The following OTOF variants were observed in gnomAD, a reference collection of about 807,000 sequenced individuals.
OTOF encodes otoferlin.
In OTOF, 218 loss-of-function variants were observed where a neutral mutation model predicts 236.8. The ratio of observed to expected loss-of-function variants is 0.92; its 90% CI spans 0.82 to 1.03. The LOEUF is 1.03. OTOF is among the 50% of genes least tolerant of loss of function. The pLI is 0.00. For missense variants in OTOF, 2,590 were observed against 2,694.4 expected (o/e 0.96, Z 0.86); for synonymous variants, 1,041 against 1,072.5 (o/e 0.97, Z 0.57).
intron 1 of OTOF, among the ~76,000 whole-genome samples, chr2:26,540,812 A>T (rs1667195202): frequency 6.6e-6 from 1 of 152,216 alleles, no homozygotes; most frequent in Non-Finnish European, 1.5e-5. Flanking sequence ...GAAGCTATCT[A>T]TACGGCAAAG....
rs1320406513 is a variant in OTOF, at chr2:26,467,367, T to C, written c.4225A>G (p.Lys1409Glu). The C allele has an allele frequency of 1.9e-6, 3 of 1,613,716 alleles. No individual in the cohort carries two copies. The highest frequency in any genetic ancestry group is 2.5e-6 in the Non-Finnish European group (3 of 1,179,972). ...AGGGTCTGCTCCTAGGCTCTCACCTTAAGCTCATCAATCTTGGGTTTCTTC... is the reference window on the plus strand; with the variant it reads ...AGGGTCTGCTCCTAGGCTCTCACCTCAAGCTCATCAATCTTGGGTTTCTTC... Reference protein sequence around the residue: ...EKKKPKIDELKVYPKELESEF... With the variant: ...EKKKPKIDELEVYPKELESEF... The change falls in exon 34 of 47, where the codon AAG (lysine) becomes GAG (glutamate). Residue 1409 changes from lysine (K) to glutamate (E), a missense_variant and splice_region_variant. Physicochemically the swap from Lys to Glu is moderately conservative, Grantham distance 56. Coordinates refer to ENST00000272371, the MANE Select transcript of OTOF (RefSeq NM_194248.3).
At chr2:26,552,468 C>A (rs1667486213) in intron 1 of OTOF, among the ~76,000 whole-genome samples, 1 of 152,184 alleles carries the variant, frequency 6.6e-6, no homozygotes, top group Non-Finnish European at 1.5e-5. Context: ...CCAAGACTTC[C>A]CAATTCAGAG....
chr2:26,473,061 G>C lies in OTOF; in HGVS notation c.3733+71C>G. 6.7e-7 allele frequency: 1 copy of C among 1,496,100 alleles called. No individual in the cohort carries two copies. The highest frequency in any genetic ancestry group is 9.2e-7 in the Non-Finnish European group (1 of 1,087,806). 92.7% of individuals were successfully genotyped at this position (1,496,100 alleles called of 1,614,324 possible). A position where few individuals can be genotyped will look rare whatever the true frequency, so the allele number is the denominator to read the frequency against. Reference sequence around the variant, plus strand: ...GCAAACTCTGGTCGCGGCTTGGACTGGGCGGAGACCTGGAGCCCTTCCCTG... The same window carrying C: ...GCAAACTCTGGTCGCGGCTTGGACTCGGCGGAGACCTGGAGCCCTTCCCTG... On this transcript the variant is annotated intron_variant, in intron 29 of 46. Transcript: ENST00000272371. The surrounding 1 kb of genome is among the most constrained non-coding windows in gnomAD (Gnocchi z 7.2).
chr2:26,501,865 A>G, intron 7 of OTOF, 57 bp from the exon 8 acceptor site: 1 of 1,269,600 alleles, frequency 7.9e-7, no homozygotes, highest in Non-Finnish European at 1.2e-6. Context: ...GTTGGGGAGG[A>G]GGACACTGGC....
intron 1 of OTOF, among the ~76,000 whole-genome samples, chr2:26,546,556 A>T (rs1306600097): frequency 6.6e-6 from 1 of 152,040 alleles, no homozygotes. Context: ...CTCCATTTTC[A>T]AGGCTGCTTT....
Position 26,463,999 on chromosome 2 carries a change from GC to G in OTOF, c.5067del (p.Arg1689SerfsTer74). On this transcript the variant is annotated frameshift_variant, in exon 40 of 47. Transcript: ENST00000272371. LOFTEE classifies it high-confidence loss of function. The part of the protein sequence containing the change: ...CRLVPEHVET[R>X]PLLNPDKPGI... ...CCCGGCTTGTCGGGGTTGAGCAGCGGCCTCGTCTCCACATGCTCTGGCACCA... is the reference window on the plus strand; with the variant it reads ...CCCGGCTTGTCGGGGTTGAGCAGCGGCTCGTCTCCACATGCTCTGGCACCA... The G allele has an allele frequency of 6.2e-7, 1 of 1,613,770 alleles. No individual in the cohort carries two copies. The highest frequency in any genetic ancestry group is 8.5e-7 in the Non-Finnish European group (1 of 1,180,032).
rs181633556 is a variant in OTOF at position 26,470,441 on chromosome 2, T to C, written c.4023+152A>G. ...GACCATCATCTTGGAAGGTGAGTTC[T>C]GAGCTAGGATTTCAAGGATGTGAGA... On this transcript the variant is annotated intron_variant, in intron 32 of 46. Transcript: ENST00000272371. This position sits in a 1 kb window ranked among gnomAD's most constrained non-coding sequence, Gnocchi z 4.3. 1.4e-3 allele frequency: 1,138 copies of C among 790,374 alleles called. 2 individuals carry two copies. The highest frequency in any genetic ancestry group is 0.01 in the Middle Eastern group (29 of 2,812). The allele number at this position is 790,374 out of a possible 1,614,324, so 49.0% of individuals were successfully genotyped here.
chr2:26,466,275 G>T, intron 36 of OTOF, 199 bp from the exon 37 acceptor site: 1 of 647,138 alleles, frequency 1.5e-6, no homozygotes, highest in Admixed American at 2.4e-5. Flanking sequence ...AAAAGATAAA[G>T]ACTAGACCAA....
rs551267412 is a variant in OTOF, at chr2:26,460,853, G to A, written c.5711C>T (p.Thr1904Met). The A allele has an allele frequency of 4.3e-5, 69 of 1,614,150 alleles. 1 individual carries two copies. The South Asian group carries it at 6.1e-4, about 14-fold the overall frequency. ...ARNENDEFEL[T>M]GKVEAELHLL... ...GCCCGAGCAGGAAGGGGTGCGCACC[G>A]TGAGCTCAAACTCATCGTTCTCATT... Residue 1904 changes from threonine (T) to methionine (M), a missense_variant and splice_region_variant, in exon 44 of 47, where the codon ACG becomes ATG. Coordinates refer to ENST00000272371, the MANE Select transcript of OTOF (RefSeq NM_194248.3). The surrounding 1 kb of genome is among the most constrained non-coding windows in gnomAD (Gnocchi z 5.3).
chr2:26,518,647 G>A (rs1428845231), intron 4 of OTOF, among the ~76,000 whole-genome samples: 1 of 152,284 alleles, frequency 6.6e-6, no homozygotes, highest in Non-Finnish European at 1.5e-5. Flanking sequence ...CGAGCCAGAT[G>A]TGCAGAGTGA....
At chr2:26,463,416 T>G in intron 41 of OTOF, 67 bp downstream of exon 41, 1 of 1,320,198 alleles carries the variant, frequency 7.6e-7, no homozygotes, top group Non-Finnish European at 1.1e-6. Flanking sequence ...GCAGGAAGGG[T>G]TGGGCCGTGG....
intron 1 of OTOF, among the ~76,000 whole-genome samples, chr2:26,539,060 A>G (rs986791820): frequency 6.6e-6 from 1 of 151,944 alleles, no homozygotes; most frequent in East Asian, 1.9e-4. Context: ...TGACCCGCCC[A>G]CCTTGGTCTC....
At position 26,519,144 on chromosome 2, in the gene OTOF, G is replaced by A; in HGVS notation, c.228-35C>T. On this transcript the variant is annotated intron_variant, in intron 3 of 46. Transcript: ENST00000272371. ...GCAGAGGGGGCACGGTGGTAACATG[G>A]AAGAGACCAGGGTGAGGAGCAAGAC... 5 of 1,378,722 alleles carry A rather than the reference G, an allele frequency of 3.6e-6. No individual in the cohort carries two copies. The South Asian group carries it at 4.8e-5, about 13-fold the overall frequency. The allele number at this position is 1,378,722 out of a possible 1,614,324, so 85.4% of individuals were successfully genotyped here. A position where few individuals can be genotyped will look rare whatever the true frequency, so the allele number is the denominator to read the frequency against.
In OTOF at chr2:26,539,552, A is replaced by G. The variant is rs1399876136; in HGVS notation, c.80-1778T>C. 2.0e-5 allele frequency among the ~76,000 whole-genome samples: 3 copies of G among 152,094 alleles called. No homozygotes were observed. In the East Asian group the frequency reaches 5.8e-4, roughly 29 times the overall value. ...GGAGTTCGAGACCTGCTTGACCAAC[A>G]TGGAGAAACCCCGTCTCTACTAAAA... On this transcript the variant is annotated intron_variant, in intron 1 of 46. Coordinates refer to ENST00000272371, the MANE Select transcript of OTOF (RefSeq NM_194248.3).
intron 46 of OTOF, 76 bp from the exon 47 acceptor site, chr2:26,458,296 C>G: frequency 6.9e-7 from 1 of 1,451,424 alleles, no homozygotes; most frequent in South Asian, 1.2e-5. Context: ...CTCTGTCCTT[C>G]TGGACCCCCA....
In OTOF at chr2:26,462,029, G is replaced by C; in HGVS notation, c.5291+54C>G. Reference sequence around the variant, plus strand: ...CCCTCTGCCTCCTCTCCTGCCCCCCGGGAAGCAAGCCCCACCCAGCTCAGT... The same window carrying C: ...CCCTCTGCCTCCTCTCCTGCCCCCCCGGAAGCAAGCCCCACCCAGCTCAGT... On this transcript the variant is annotated intron_variant, in intron 42 of 46. Transcript: ENST00000272371. This position sits in a 1 kb window ranked among gnomAD's most constrained non-coding sequence, Gnocchi z 4.7. The C allele has an allele frequency of 1.2e-6, 2 of 1,611,454 alleles. No individual in the cohort carries two copies. Among genetic ancestry groups the C allele is most frequent in the Non-Finnish European group, 1.7e-6 (2 of 1,178,304 alleles).
Position 26,494,982 on chromosome 2 carries a change from G to A in OTOF, c.857C>T (p.Thr286Ile). The change falls in exon 9 of 47, where the codon ACA becomes ATA. Residue 286 changes from threonine (T) to isoleucine (I), a missense_variant. Around this residue, in one of 2 missense-constraint regions of OTOF, gnomAD observed 1,379 missense variants for 1,341.6 expected, o/e 1.03. Transcript: ENST00000272371. ...GCAGTTAGTGGACTCCTTCATGGAT[G>A]TGTACTTCTTGTCGTCACCCACCTC... ...CVEVGDDKKYTSMKESTNCPY... is the reference protein window; with the variant it reads ...CVEVGDDKKYISMKESTNCPY... 2 of 1,614,144 alleles carry A rather than the reference G, an allele frequency of 1.2e-6. No homozygotes were observed. The highest frequency in any genetic ancestry group is 1.1e-5 in the South Asian group (1 of 91,080).
Position 26,473,200 on chromosome 2 carries a change from G to C in OTOF, c.3665C>G (p.Ala1222Gly), listed in dbSNP as rs1428857692. Residue 1222 changes from alanine (A) to glycine (G), a missense_variant, in exon 29 of 47, where the codon GCC becomes GGC. Physicochemically the swap from Ala to Gly is moderately conservative, Grantham distance 60. Around this residue, in one of 2 missense-constraint regions of OTOF, gnomAD observed 1,211 missense variants for 1,352.8 expected, o/e 0.90. Transcript: ENST00000272371. The surrounding 1 kb of genome is among the most constrained non-coding windows in gnomAD (Gnocchi z 7.2). ...GATGAAGCGTCGCAGGGAGCTGACG[G>C]CATGGGAGCCCACCAGTGTGTAGCG... Reference protein sequence around the residue: ...FGRYTLVGSHAVSSLRRFIYR... With the variant: ...FGRYTLVGSHGVSSLRRFIYR... 1.9e-6 allele frequency: 3 copies of C among 1,613,204 alleles called. No individual in the cohort carries two copies. In the South Asian group the frequency reaches 3.3e-5, roughly 18 times the overall value.
In OTOF at chr2:26,477,054, G is replaced by A. The variant is rs775983588; in HGVS notation, c.2524-11C>T. 1.3e-6 allele frequency: 2 copies of A among 1,553,576 alleles called. No homozygotes were observed. Among genetic ancestry groups the A allele is most frequent in the South Asian group, 1.2e-5 (1 of 85,596 alleles). On this transcript the variant is annotated splice_polypyrimidine_tract_variant and intron_variant, in intron 21 of 46. Coordinates refer to ENST00000272371, the MANE Select transcript of OTOF (RefSeq NM_194248.3). The surrounding 1 kb of genome is among the most constrained non-coding windows in gnomAD (Gnocchi z 4.7). ...AATGCTGTGCTGGGGCTGGGGGTTG[G>A]GGGGTGGCCAGGGGCAGTGGGTAAG...
Sources: allele counts gnomAD v4.1 joint callset (sites outside exome capture counted in the v4.1 genomes callset), GRCh38; gene constraint gnomAD v4.1.1; regional missense constraint gnomAD v4.1.1; non-coding constraint Gnocchi (gnomAD v3.1); transcripts MANE v1.5; gene names NCBI Gene and HGNC (gene_info 2026-07-23, HGNC 2026-07-21).